The following FRMD4B variants were observed in gnomAD, a reference collection of about 807,000 sequenced individuals.
FRMD4B encodes FERM domain containing 4B.
In FRMD4B, 74 loss-of-function variants were observed where a neutral mutation model predicts 141.5. The observed-to-expected ratio is 0.52, with a 90% CI of 0.43 to 0.63. FRMD4B has a LOEUF of 0.63. Among genes scored for constraint, FRMD4B ranks in the 30% least tolerant of loss-of-function variants. The pLI, the probability that FRMD4B is intolerant of heterozygous loss-of-function variation, is 0.00. For synonymous variants in FRMD4B, 506 were observed against 467.9 expected (o/e 1.08, Z -1.05); for missense variants, 1,366 against 1,253.4 (o/e 1.09, Z -1.36).
intron 10 of FRMD4B, 58 bp from the exon 11 acceptor site, chr3:69,216,407 A>G: frequency 2.5e-6 from 2 of 800,538 alleles, no homozygotes; most frequent in South Asian, 3.2e-5. Context: ...CTAGAAGTGA[A>G]TAAAATTTAC....
chr3:69,325,075 TAAAAA>T lies in FRMD4B; in HGVS notation c.163-11563_163-11559del, dbSNP rs112470737. On this transcript the variant is annotated intron_variant, in intron 1 of 22. Coordinates refer to ENST00000398540, the MANE Select transcript of FRMD4B (RefSeq NM_015123.3). ...GCCTGGGCAACAGTGAGATACTGTC[TAAAAA>T]AAAAAAAAGAAAGAAAGAAAGAAAG... Among the ~76,000 whole-genome samples the T allele has an allele frequency of 1.3e-3, 161 of 119,896 alleles. 2 individuals are homozygous for T. The highest frequency in any genetic ancestry group is 4.0e-3 in the Admixed American group (39 of 9,760). The allele number at this position is 119,896 out of a possible 152,430, so 78.7% of individuals were successfully genotyped here. A position where few individuals can be genotyped will look rare whatever the true frequency, so the allele number is the denominator to read the frequency against.
intron 1 of FRMD4B, among the ~76,000 whole-genome samples, chr3:69,367,934 T>G (rs1280179295): frequency 6.6e-6 from 1 of 152,234 alleles, no homozygotes. Context: ...TTAATGCTTC[T>G]GCTTTAAAAT....
chr3:69,318,089 C>T (rs1559801595), intron 1 of FRMD4B, among the ~76,000 whole-genome samples: 1 of 152,044 alleles, frequency 6.6e-6, no homozygotes, highest in Non-Finnish European at 1.5e-5. Context: ...CTCCTGCCTC[C>T]ACCTCCTGAG....
At chr3:69,468,224 T>C (rs1162372886) in intron 1 of FRMD4B, among the ~76,000 whole-genome samples, 1 of 100,480 alleles carries the variant, frequency 1.0e-5, no homozygotes, top group African/African-American at 5.5e-5. Flanking sequence ...GTATCACGGA[T>C]CCTCATGAAC....
At chr3:69,272,133 C>T (rs994826014) in intron 5 of FRMD4B, among the ~76,000 whole-genome samples, 1 of 151,894 alleles carries the variant, frequency 6.6e-6, no homozygotes, top group Non-Finnish European at 1.5e-5. Flanking sequence ...GGTACATTCA[C>T]AAGTCTTTTA....
rs1361066616 is a variant in FRMD4B at position 69,181,643 on chromosome 3, A to G, written c.2107T>C (p.Ser703Pro). 4.3e-6 allele frequency: 7 copies of G among 1,613,316 alleles called. No homozygotes were observed. The highest frequency in any genetic ancestry group is 5.1e-6 in the Non-Finnish European group (6 of 1,179,406). Reference sequence around the variant, plus strand: ...AATGGCTTATCGCTGTCCATCTCGGAGAGCAGGTGGGACTGGGACTCCAGG... The same window carrying G: ...AATGGCTTATCGCTGTCCATCTCGGGGAGCAGGTGGGACTGGGACTCCAGG... The part of the protein sequence containing the change: ...GSLESQSHLL[S>P]EMDSDKPFFS... Residue 703 changes from serine (S) to proline (P), a missense_variant, in exon 21 of 23, where the codon TCC (serine) becomes CCC (proline). Transcript: ENST00000398540.
At chr3:69,439,532 G>T (rs1472624594) in intron 1 of FRMD4B, among the ~76,000 whole-genome samples, 2 of 152,188 alleles carry the variant, frequency 1.3e-5, no homozygotes, top group Non-Finnish European at 2.9e-5. Context: ...GCTAAATTTT[G>T]TACAGTGCAT....
rs140202368 is a variant in FRMD4B, at chr3:69,169,353, CTTTTTT to C, written c.*2502_*2507del. On this transcript the variant is annotated 3_prime_UTR_variant, in exon 23 of 23. Coordinates refer to ENST00000398540, the MANE Select transcript of FRMD4B (RefSeq NM_015123.3). ...AGGATTGCTGAACTTCCATTTCTTT[CTTTTTT>C]TTTTTTTTTTTTTTTTCTTGAGACA... Among the ~76,000 whole-genome samples, 26 of 29,288 alleles carry C rather than the reference CTTTTTT, an allele frequency of 8.9e-4. No homozygotes were observed. The highest frequency in any genetic ancestry group is 2.0e-3 in the Non-Finnish European group (11 of 5,488). 19.2% of individuals were successfully genotyped at this position (29,288 alleles called of 152,430 possible).
At chr3:69,433,009 C>G (rs1411961442) in intron 1 of FRMD4B, 3 of 152,184 alleles carry the variant, frequency 2.0e-5, no homozygotes, top group East Asian at 1.9e-4. Context: ...TTACAGGATG[C>G]ATGTCACTGA....
rs538705360 is a variant in FRMD4B at position 69,477,850 on chromosome 3, G to A, written c.-128-45089C>T. ...CTCTGGTCCTGGACTCTTTTTGGTT[G>A]GTAAGCTATTGATTATTGCCACAAT... is the stretch of plus-strand genomic sequence containing the variant. On this transcript the variant is annotated intron_variant, in intron 1 of 5. Coordinates refer to the FRMD4B transcript ENST00000459638. Among the ~76,000 whole-genome samples the A allele has an allele frequency of 3.2e-4, 48 of 150,990 alleles. No homozygotes were observed. In the South Asian group the frequency reaches 4.5e-3, roughly 14 times the overall value.
chr3:69,312,009 C>T (rs940495413), intron 2 of FRMD4B, among the ~76,000 whole-genome samples: 2 of 152,190 alleles, frequency 1.3e-5, no homozygotes, highest in Non-Finnish European at 2.9e-5. Context: ...TGAACCTAGT[C>T]TGTCTCCTTC....
chr3:69,435,336 AG>A (rs1005321031), intron 1 of FRMD4B, among the ~76,000 whole-genome samples: 2 of 152,024 alleles, frequency 1.3e-5, no homozygotes, highest in Non-Finnish European at 2.9e-5. Context: ...CAGGAATCTA[AG>A]GGTTTACTAT....
intron 1 of FRMD4B, among the ~76,000 whole-genome samples, chr3:69,448,150 C>T (rs1705438035): frequency 6.6e-6 from 1 of 152,060 alleles, no homozygotes; most frequent in African/African-American, 2.4e-5. Flanking sequence ...GTGGCTCAGC[C>T]TCCCAAGTAG....
intron 11 of FRMD4B, chr3:69,200,543 C>G: frequency 9.0e-7 from 1 of 1,108,970 alleles, no homozygotes; most frequent in Non-Finnish European, 1.1e-6. Flanking sequence ...AGGTGTAACT[C>G]AATTTCACAA....
Position 69,187,893 on chromosome 3 carries a change from C to T in FRMD4B, c.1796G>A (p.Gly599Glu), listed in dbSNP as rs534541569. 3 of 1,594,172 alleles carry T rather than the reference C, an allele frequency of 1.9e-6. No homozygotes were observed. Among genetic ancestry groups the T allele is most frequent in the Admixed American group, 1.8e-5 (1 of 56,556 alleles). The change falls in exon 19 of 23, where the codon GGG becomes GAG. Residue 599 changes from glycine (G) to glutamate (E), a missense_variant. Physicochemically the swap from Gly to Glu is moderately conservative, Grantham distance 98. Coordinates refer to ENST00000398540, the MANE Select transcript of FRMD4B (RefSeq NM_015123.3). Reference sequence around the variant, plus strand: ...ATGAGGTACTGAACTTGATCGCTGCCCAGGAAAAGTGAAGGCATCACTGGC... The same window carrying T: ...ATGAGGTACTGAACTTGATCGCTGCTCAGGAAAAGTGAAGGCATCACTGGC... ...DDPSDAFTFP[G>E]QRSSSVPHSP...
intron 11 of FRMD4B, among the ~76,000 whole-genome samples, chr3:69,205,059 C>CAAAAAA (rs33955997): frequency 9.6e-5 from 12 of 124,434 alleles, no homozygotes; most frequent in African/African-American, 3.8e-4. Flanking sequence ...ATGTTTTTAA[C>CAAAAAA]AAAAAAAAAA....
At chr3:69,457,047 T>A (rs1705630053) in intron 1 of FRMD4B, among the ~76,000 whole-genome samples, 2 of 152,076 alleles carry the variant, frequency 1.3e-5, no homozygotes, top group Non-Finnish European at 2.9e-5. Context: ...CAAACGTGTG[T>A]GTGTGTGTGT....
At chr3:69,174,094 G>A (rs1227906733) in intron 22 of FRMD4B, among the ~76,000 whole-genome samples, 1 of 151,182 alleles carries the variant, frequency 6.6e-6, no homozygotes, top group Non-Finnish European at 1.5e-5. Context: ...CCGAGATCGT[G>A]TCACTGCACT....
chr3:69,348,593 C>A (rs1044918911), intron 1 of FRMD4B, among the ~76,000 whole-genome samples: 3 of 152,198 alleles, frequency 2.0e-5, no homozygotes, highest in African/African-American at 7.2e-5. Context: ...CAGTAAAACA[C>A]TGGCAAACTG....
Sources: gnomAD v4.1 joint callset for allele counts (sites outside exome capture counted in the v4.1 genomes callset) on GRCh38, gnomAD v4.1.1 for gene constraint, MANE v1.5 for transcripts, NCBI Gene and HGNC (gene_info 2026-07-23, HGNC 2026-07-21) for gene names.